The following LRFN5 variants were observed in gnomAD, a reference collection of about 807,000 sequenced individuals.
The protein encoded by LRFN5 is leucine-rich repeat and fibronectin type-III domain-containing protein 5.
A neutral mutation model predicts 45.6 loss-of-function variants in LRFN5; 24 were observed. That is an observed-to-expected ratio of 0.53 (90% confidence interval 0.38 to 0.74). The LOEUF (loss-of-function observed/expected upper bound fraction) is 0.74, where lower values mean the gene tolerates loss of function less well. Ranked by LOEUF, LRFN5 falls within the 30% of genes least tolerant of loss-of-function variation. The probability of loss-of-function intolerance (pLI) is 0.00; values close to 1 mark genes in which losing one functional copy is unlikely to be tolerated. For missense variants in LRFN5, 776 were observed against 861.5 expected (o/e 0.90, Z 1.24); for synonymous variants, 340 against 313.8 (o/e 1.08, Z -0.88).
intron 2 of LRFN5, among the ~76,000 whole-genome samples, chr14:41,809,778 G>C (rs989869244): frequency 2.0e-5 from 3 of 151,544 alleles, no homozygotes; most frequent in African/African-American, 7.3e-5. Flanking sequence ...AGATTTATAG[G>C]AGATATACAT....
rs567055778 is a variant in LRFN5 at position 41,741,727 on chromosome 14, G to A, written c.-196-25127G>A. Among the ~76,000 whole-genome samples, 163 of 151,178 alleles carry A rather than the reference G, an allele frequency of 1.1e-3. 1 individual carries two copies. The highest frequency in any genetic ancestry group is 3.6e-3 in the African/African-American group (149 of 41,328). ...CATCTAACTAAAAAGCTTTGATGCA[G>A]CAAAGACAACAATTTACATAGTGGA... On this transcript the variant is annotated intron_variant, in intron 1 of 5. Transcript: ENST00000298119.
At position 41,689,069 on chromosome 14, in the gene LRFN5, T is replaced by G. The variant is rs571345500; in HGVS notation, c.-196-77785T>G. Among the ~76,000 whole-genome samples the G allele has an allele frequency of 4.6e-5, 7 of 152,046 alleles. No homozygotes were observed. The East Asian group carries it at 1.4e-3, about 29-fold the overall frequency. ...GAGATCTCACCACTGCACTGCAGTT[T>G]GGGCAACAGAGTGAGAACCCATCTC... On this transcript the variant is annotated intron_variant, in intron 1 of 5. Transcript: ENST00000298119.
At chr14:41,897,855 T>C (rs1045995835) in intron 4 of LRFN5, among the ~76,000 whole-genome samples, 4 of 152,208 alleles carry the variant, frequency 2.6e-5, no homozygotes, top group Admixed American at 1.3e-4. Context: ...AATGTACTTG[T>C]GCTTGGAAGT....
intron 1 of LRFN5, among the ~76,000 whole-genome samples, chr14:41,673,800 G>T (rs1400092619): frequency 3.6e-5 from 5 of 139,380 alleles, no homozygotes. Context: ...GGCGGGGGGT[G>T]ACCCCCCCCA....
intron 1 of LRFN5, among the ~76,000 whole-genome samples, chr14:41,651,008 A>G (rs1880099951): frequency 1.3e-5 from 2 of 152,126 alleles, no homozygotes; most frequent in South Asian, 4.1e-4. Flanking sequence ...CTGAGTCTAT[A>G]AATTCATTTT....
intron 1 of LRFN5, among the ~76,000 whole-genome samples, chr14:41,689,993 GCTAA>G (rs1240189207): frequency 2.7e-5 from 4 of 150,876 alleles, no homozygotes; most frequent in Non-Finnish European, 5.9e-5. Context: ...AATTATGAAT[GCTAA>G]CTTTTTACAA....
chr14:41,891,430 T>G lies in LRFN5; in HGVS notation c.1566T>G (p.Ser522=), dbSNP rs6572117. 1 of 1,613,762 alleles carries G rather than the reference T, an allele frequency of 6.2e-7. No homozygotes were observed. The highest frequency in any genetic ancestry group is 8.5e-7 in the Non-Finnish European group (1 of 1,179,956). Residue 522 remains serine (S), a synonymous_variant, in exon 4 of 6, where the codon TCT becomes TCG. Coordinates refer to ENST00000298119, the MANE Select transcript of LRFN5 (RefSeq NM_152447.5). ...QDYVRCHFMQ[S]QFLGGTMIII... ...ATGTGCGTTGCCATTTCATGCAGTC[T>G]CAGTTTTTGGGAGGCACCATGATTA...
At chr14:41,625,384 A>G (rs2138567365) in intron 1 of LRFN5, among the ~76,000 whole-genome samples, 1 of 152,236 alleles carries the variant, frequency 6.6e-6, no homozygotes, top group South Asian at 2.1e-4. Flanking sequence ...CTGGGCACTC[A>G]TTCTTTCTCC....
intron 2 of LRFN5, among the ~76,000 whole-genome samples, chr14:41,849,507 A>G (rs1889189875): frequency 1.3e-5 from 2 of 151,220 alleles, no homozygotes; most frequent in Admixed American, 1.3e-4. Context: ...AATTACTGGG[A>G]CACCTCCTTG....
At chr14:41,617,407 G>A (rs149245330) in intron 1 of LRFN5, among the ~76,000 whole-genome samples, 12 of 152,086 alleles carry the variant, frequency 7.9e-5, no homozygotes, top group Non-Finnish European at 4.4e-5. Flanking sequence ...AACATTTTTG[G>A]TTCTAAAGAG....
chr14:41,722,523 AT>A (rs1000797056), intron 1 of LRFN5, among the ~76,000 whole-genome samples: 1 of 147,286 alleles, frequency 6.8e-6, no homozygotes. Context: ...TATGTGAATA[AT>A]TTTTTTTCTT....
chr14:41,740,441 TATG>T (rs1316564232), intron 1 of LRFN5, among the ~76,000 whole-genome samples: 2 of 151,928 alleles, frequency 1.3e-5, no homozygotes, highest in African/African-American at 4.8e-5. Flanking sequence ...AAGAAAATCA[TATG>T]ATACAGAAAA....
chr14:41,732,392 T>C (rs1468688051), intron 1 of LRFN5, among the ~76,000 whole-genome samples: 2 of 152,178 alleles, frequency 1.3e-5, no homozygotes, highest in Non-Finnish European at 2.9e-5. Flanking sequence ...TTCCCACTTT[T>C]ATTTTTGCCT....
At chr14:41,848,743 A>T (rs1213608785) in intron 2 of LRFN5, among the ~76,000 whole-genome samples, 1 of 152,050 alleles carries the variant, frequency 6.6e-6, no homozygotes, top group African/African-American at 2.4e-5. Context: ...GCTTCAAATC[A>T]TATCTTTTCT....
intron 2 of LRFN5, among the ~76,000 whole-genome samples, chr14:41,872,337 T>G (rs1190910683): frequency 2.0e-5 from 3 of 152,228 alleles, no homozygotes; most frequent in Non-Finnish European, 4.4e-5. Flanking sequence ...ATCTAAAGTA[T>G]CTATAGACAT....
At chr14:41,826,894 C>A (rs1888315852) in intron 2 of LRFN5, among the ~76,000 whole-genome samples, 3 of 151,944 alleles carry the variant, frequency 2.0e-5, no homozygotes, top group Admixed American at 2.0e-4. Flanking sequence ...TATTTTGATT[C>A]ACAAAATAAG....
intron 2 of LRFN5, among the ~76,000 whole-genome samples, chr14:41,842,115 G>A (rs946986239): frequency 1.3e-5 from 2 of 151,990 alleles, no homozygotes; most frequent in African/African-American, 4.8e-5. Context: ...ATAAATAATA[G>A]CTGGGTTTGT....
rs1322015630 is a variant in LRFN5 at position 41,755,648 on chromosome 14, C to T, written c.-196-11206C>T. ...TCTTCCTCCATCCCTTTATTTTGAG[C>T]CTATGTGTGTCTCTGCACATGAGAT... On this transcript the variant is annotated intron_variant, in intron 1 of 5. Coordinates refer to ENST00000298119, the MANE Select transcript of LRFN5 (RefSeq NM_152447.5). Among the ~76,000 whole-genome samples the T allele has an allele frequency of 2.6e-5, 4 of 152,234 alleles. 1 individual carries two copies. Among genetic ancestry groups the T allele is most frequent in the African/African-American group, 9.6e-5 (4 of 41,534 alleles).
intron 1 of LRFN5, among the ~76,000 whole-genome samples, chr14:41,653,181 G>C (rs1212977379): frequency 1.3e-5 from 2 of 152,054 alleles, no homozygotes; most frequent in Non-Finnish European, 2.9e-5. Flanking sequence ...GATCCCATTT[G>C]TCAATTTTTG....
Sources: gnomAD v4.1 joint callset for allele counts (sites outside exome capture counted in the v4.1 genomes callset) on GRCh38, gnomAD v4.1.1 for gene constraint, MANE v1.5 for transcripts, NCBI Gene and HGNC (gene_info 2026-07-23, HGNC 2026-07-21) for gene names.